The following NTNG1 variants were observed in gnomAD, a reference collection of about 807,000 sequenced individuals.
NTNG1 encodes the protein netrin G1.
A neutral mutation model predicts 54.0 loss-of-function variants in NTNG1; 16 were observed. The observed-to-expected ratio is 0.30, with a 90% CI of 0.20 to 0.45. The LOEUF (loss-of-function observed/expected upper bound fraction) is 0.45, where lower values mean the gene tolerates loss of function less well. NTNG1 is among the 20% of genes least tolerant of loss of function. The pLI, the probability that NTNG1 is intolerant of heterozygous loss-of-function variation, is 1.00. For missense variants in NTNG1, 530 were observed against 678.7 expected, an observed-to-expected ratio of 0.78 and a Z score of 2.43; for synonymous variants, 255 against 263.1, an observed-to-expected ratio of 0.97 and a Z score of 0.30.
chr1:107,194,930 A>G (rs1030757663), intron 2 of NTNG1, among the ~76,000 whole-genome samples: 3 of 151,726 alleles, frequency 2.0e-5, no homozygotes, highest in Admixed American at 1.3e-4. Flanking sequence ...TTCTATAGGG[A>G]AAAAAAAGGC....
chr1:107,276,458 T>A (rs902838359), intron 2 of NTNG1, among the ~76,000 whole-genome samples: 2 of 152,018 alleles, frequency 1.3e-5, no homozygotes, highest in African/African-American at 4.8e-5. Flanking sequence ...AAGCTTTTCT[T>A]CCTGCATTCT....
At chr1:107,301,567 G>A (rs61799220) in intron 2 of NTNG1, among the ~76,000 whole-genome samples, 43,430 of 151,932 alleles carry the variant, frequency 0.29, 6,381 homozygotes, top group Admixed American at 0.37. Context: ...CTGCAGTAAT[G>A]TATGTCATAC....
At chr1:107,405,327 C>T (rs1332250285) in intron 4 of NTNG1, among the ~76,000 whole-genome samples, 1 of 152,114 alleles carries the variant, frequency 6.6e-6, no homozygotes, top group African/African-American at 2.4e-5. Context: ...AAGCAATTCC[C>T]ATTTTACAGC....
chr1:107,155,808 T>A (rs181683749), intron 2 of NTNG1, among the ~76,000 whole-genome samples: 6 of 152,346 alleles, frequency 3.9e-5, no homozygotes, highest in Admixed American at 1.3e-4. Flanking sequence ...TAATGATGTT[T>A]TGGTAAATGA....
In NTNG1 at chr1:107,324,797, A is replaced by G. The variant is rs776232723; in HGVS notation, c.762A>G (p.Arg254=). Residue 254 remains arginine, a synonymous_variant, in exon 3 of 8, where the codon AGA becomes AGG. Coordinates refer to ENST00000370068, the MANE Select transcript of NTNG1 (RefSeq NM_001113226.3). ...AGCTGGATACAACCAAGAAACTCAG[A>G]GATTTCTTTACAGTCACAGACCTGA... ...YGQLDTTKKL[R]DFFTVTDLRI... is the part of the protein sequence containing the mutation. The G allele has an allele frequency of 8.1e-6, 13 of 1,613,514 alleles. No individual in the cohort carries two copies. In the East Asian group the frequency reaches 2.7e-4, roughly 33 times the overall value.
intron 3 of NTNG1, among the ~76,000 whole-genome samples, chr1:107,338,852 TAAAAC>T (rs1557912607): frequency 1.5e-5 from 2 of 137,278 alleles, no homozygotes; most frequent in African/African-American, 5.2e-5. Flanking sequence ...AACACAAAGA[TAAAAC>T]AAAGTAAGAA....
Position 107,484,441 on chromosome 1 carries a change from G to A in NTNG1, c.*3601G>A, listed in dbSNP as rs371342896. ...TTAACAGTTTGTTAGCTTTATGTAT[G>A]ACTTTTAAATACTTAGACATGTGGC... On this transcript the variant is annotated 3_prime_UTR_variant, in exon 8 of 8. Coordinates refer to ENST00000370068, the MANE Select transcript of NTNG1 (RefSeq NM_001113226.3). Among the ~76,000 whole-genome samples the A allele has an allele frequency of 3.2e-4, 48 of 152,312 alleles. No homozygotes were observed. The highest frequency in any genetic ancestry group is 8.3e-4 in the South Asian group (4 of 4,828).
chr1:107,404,853 T>G (rs1673301363), intron 4 of NTNG1, among the ~76,000 whole-genome samples: 1 of 152,126 alleles, frequency 6.6e-6, no homozygotes, highest in Non-Finnish European at 1.5e-5. Context: ...AATAATATTC[T>G]TTACATGGTA....
At chr1:107,353,961 A>G (rs139348098) in intron 3 of NTNG1, among the ~76,000 whole-genome samples, 10 of 152,278 alleles carry the variant, frequency 6.6e-5, no homozygotes, top group African/African-American at 2.2e-4. Context: ...GTCACTCACT[A>G]TCATGAAACC....
At chr1:107,353,162 C>T (rs559466772) in intron 3 of NTNG1, among the ~76,000 whole-genome samples, 22 of 152,256 alleles carry the variant, frequency 1.4e-4, no homozygotes, top group African/African-American at 4.8e-4. Context: ...TAAAAATGGG[C>T]TTTTCTTTTC....
intron 2 of NTNG1, among the ~76,000 whole-genome samples, chr1:107,232,791 A>T (rs1661161084): frequency 1.3e-5 from 2 of 152,192 alleles, no homozygotes; most frequent in African/African-American, 4.8e-5. Flanking sequence ...ATGTTTTGTA[A>T]TATAATAGTC....
intron 3 of NTNG1, among the ~76,000 whole-genome samples, chr1:107,344,486 G>C (rs1426151488): frequency 6.6e-6 from 1 of 152,042 alleles, no homozygotes; most frequent in African/African-American, 2.4e-5. Flanking sequence ...TGCCTTCTCA[G>C]CAGAATCCTA....
intron 5 of NTNG1, among the ~76,000 whole-genome samples, chr1:107,415,021 T>A (rs1258555661): frequency 1.3e-5 from 2 of 152,146 alleles, no homozygotes; most frequent in African/African-American, 4.8e-5. Flanking sequence ...GATATTTTAT[T>A]TTTTAAAGGA....
chr1:107,188,008 T>C (rs1272351070), intron 2 of NTNG1, among the ~76,000 whole-genome samples: 1 of 152,160 alleles, frequency 6.6e-6, no homozygotes, highest in Admixed American at 6.6e-5. Flanking sequence ...AAAGGACTGA[T>C]TTATAATTAG....
chr1:107,230,640 T>G (rs1290098415), intron 2 of NTNG1, among the ~76,000 whole-genome samples: 1 of 152,212 alleles, frequency 6.6e-6, no homozygotes, highest in Non-Finnish European at 1.5e-5. Context: ...AGGTATGGTT[T>G]TCTATATTTA....
intron 6 of NTNG1, among the ~76,000 whole-genome samples, chr1:107,433,258 A>G (rs1184651932): frequency 6.6e-6 from 1 of 152,208 alleles, no homozygotes; most frequent in East Asian, 1.9e-4. Context: ...AGTTAGCTAC[A>G]TTAGGCCAGG....
intron 7 of NTNG1, among the ~76,000 whole-genome samples, chr1:107,472,672 T>G (rs1678059009): frequency 6.8e-6 from 1 of 148,066 alleles, no homozygotes; most frequent in Non-Finnish European, 1.5e-5. Flanking sequence ...TGCACCATAC[T>G]ACCCCTCATG....
At chr1:107,181,297 C>A (rs866864528) in intron 2 of NTNG1, among the ~76,000 whole-genome samples, 38 of 152,044 alleles carry the variant, frequency 2.5e-4, no homozygotes, top group African/African-American at 7.5e-4. Context: ...GTGAAATAAC[C>A]CATGACTGAA....
chr1:107,479,360 C>T (rs945238770), intron 7 of NTNG1, among the ~76,000 whole-genome samples: 4 of 152,156 alleles, frequency 2.6e-5, no homozygotes, highest in Admixed American at 6.5e-5. Context: ...TGAGTTACTA[C>T]TTGGAGGGTA....
Sources: allele counts gnomAD v4.1 joint callset (sites outside exome capture counted in the v4.1 genomes callset), GRCh38; gene constraint gnomAD v4.1.1; transcripts MANE v1.5; gene names NCBI Gene and HGNC (gene_info 2026-07-23, HGNC 2026-07-21).